Variants in ZNF567 observed in about 807,000 individuals in gnomAD.
ZNF567 encodes the protein zinc finger protein 567.
Under a neutral mutation model 53.9 loss-of-function variants are expected in ZNF567, and 36 were observed. That is an observed-to-expected ratio of 0.67 (90% confidence interval 0.51 to 0.88). The LOEUF is 0.88. Ranked by LOEUF, ZNF567 falls within the 40% of genes least tolerant of loss-of-function variation. The pLI, the probability that ZNF567 is intolerant of heterozygous loss-of-function variation, is 0.00. For missense variants in ZNF567, 619 were observed against 764.7 expected (o/e 0.81, Z 2.25); for synonymous variants, 224 against 260.4 (o/e 0.86, Z 1.35).
At chr19:36,672,534 T>C in the ZNF567 span, among the ~76,000 whole-genome samples, 1 of 152,138 alleles carries the variant, frequency 6.6e-6, no homozygotes, top group Non-Finnish European at 1.5e-5. Flanking sequence ...ATGGCAGTGA[T>C]GAAAGTTATG....
At chr19:36,686,240 C>A (rs2038267374), upstream of ZNF567, among the ~76,000 whole-genome samples, 1 of 152,134 alleles carries the variant, frequency 6.6e-6, no homozygotes, top group Non-Finnish European at 1.5e-5. Flanking sequence ...AACAAAACTT[C>A]CTTGACCTTG....
Position 36,719,459 on chromosome 19 carries a change from A to C in ZNF567, c.735A>C (p.Arg245Ser). ...ENPSVYNKKRRATNIEKKHTC... is the reference protein window; with the variant it reads ...ENPSVYNKKRSATNIEKKHTC... Reference sequence around the variant, plus strand: ...CATCTGTATATAATAAAAAAAGAAGAGCAACCAATATTGAAAAAAAACATA... The same window carrying C: ...CATCTGTATATAATAAAAAAAGAAGCGCAACCAATATTGAAAAAAAACATA... Residue 245 changes from arginine (R) to serine (S), a missense_variant, in exon 6 of 6, where the codon AGA becomes AGC. Transcript: ENST00000682579. The C allele has an allele frequency of 6.2e-7, 1 of 1,610,786 alleles. No individual in the cohort carries two copies. Among genetic ancestry groups the C allele is most frequent in the Non-Finnish European group, 8.5e-7 (1 of 1,179,264 alleles).
chr19:36,693,500 AC>A (rs2038726980), intron 2 of ZNF567, among the ~76,000 whole-genome samples: 1 of 152,262 alleles, frequency 6.6e-6, no homozygotes, highest in South Asian at 2.1e-4. Context: ...GGACAGGAAG[AC>A]ACAACATGAT....
At chr19:36,704,438 A>G (rs186790563) in intron 3 of ZNF567, among the ~76,000 whole-genome samples, 3 of 152,218 alleles carry the variant, frequency 2.0e-5, no homozygotes, top group Admixed American at 2.0e-4. Context: ...AAAACAAAAA[A>G]CAAAAAAAGT....
the ZNF567 span, among the ~76,000 whole-genome samples, chr19:36,677,186 G>A: frequency 6.9e-6 from 1 of 145,560 alleles, no homozygotes; most frequent in African/African-American, 2.5e-5. Flanking sequence ...AAGGCTGGGT[G>A]TGGTGGCTCA....
the ZNF567 span, among the ~76,000 whole-genome samples, chr19:36,669,595 C>G: frequency 6.6e-6 from 1 of 152,074 alleles, no homozygotes; most frequent in Non-Finnish European, 1.5e-5. Context: ...AAAAGCAGTC[C>G]GATGTAACCA....
At chr19:36,697,143 TCTC>T in intron 3 of ZNF567, among the ~76,000 whole-genome samples, 1 of 152,290 alleles carries the variant, frequency 6.6e-6, no homozygotes, top group South Asian at 2.1e-4. Context: ...ATGATGCACA[TCTC>T]CTTTTATTTA....
downstream of ZNF567, among the ~76,000 whole-genome samples, chr19:36,726,474 C>T (rs1167646537): frequency 6.6e-6 from 1 of 152,204 alleles, no homozygotes; most frequent in Non-Finnish European, 1.5e-5. Context: ...ATTTCCCACT[C>T]ACCTTCTACT....
chr19:36,698,125 C>T (rs1489246148), intron 3 of ZNF567, among the ~76,000 whole-genome samples: 3 of 152,062 alleles, frequency 2.0e-5, no homozygotes, highest in South Asian at 2.1e-4. Flanking sequence ...CTTCCTGTGT[C>T]CATGTGTTCT....
At chr19:36,700,572 A>T (rs2039126283) in intron 3 of ZNF567, among the ~76,000 whole-genome samples, 1 of 151,488 alleles carries the variant, frequency 6.6e-6, no homozygotes, top group East Asian at 1.9e-4. Flanking sequence ...TTTGGTTGGT[A>T]AGCTATTGAT....
chr19:36,727,011 C>CTTTCTTTCCTTTTCT (rs1555809310), downstream of ZNF567: 52 of 24,326 alleles, frequency 2.1e-3, 1 homozygote, highest in African/African-American at 5.1e-3. Context: ...TCTTTCTTTC[C>CTTTCTTTCCTTTTCT]TTTTTTTTTT....
downstream of ZNF567, among the ~76,000 whole-genome samples, chr19:36,724,258 G>A (rs1463029004): frequency 1.3e-5 from 2 of 151,618 alleles, no homozygotes; most frequent in African/African-American, 2.4e-5. Context: ...CGCCCACCTC[G>A]GCCTCCCAAA....
At chr19:36,678,850 C>CAAATAAAA in the ZNF567 span, among the ~76,000 whole-genome samples, 1 of 137,574 alleles carries the variant, frequency 7.3e-6, no homozygotes, top group Non-Finnish European at 1.6e-5. Context: ...GACTCTGTCT[C>CAAATAAAA]AAAAAAAAAA....
At chr19:36,708,254 T>C (rs920660279) in intron 3 of ZNF567, among the ~76,000 whole-genome samples, 3 of 152,218 alleles carry the variant, frequency 2.0e-5, no homozygotes, top group Non-Finnish European at 2.9e-5. Context: ...TCATTTTTTT[T>C]CCCTCATGAA....
chr19:36,722,491 A>G (rs954745596), downstream of ZNF567, among the ~76,000 whole-genome samples: 8 of 151,990 alleles, frequency 5.3e-5, no homozygotes, highest in African/African-American at 1.9e-4. Flanking sequence ...TAGTAGAGAC[A>G]GGGTTTCACT....
At chr19:36,723,452 T>G, downstream of ZNF567, 1 of 539,222 alleles carries the variant, frequency 1.9e-6, no homozygotes, top group Non-Finnish European at 3.3e-6. Context: ...TTTTCAAACA[T>G]ACTACATATA....
At chr19:36,712,174 G>C in intron 3 of ZNF567, 1 of 432,128 alleles carries the variant, frequency 2.3e-6, no homozygotes, top group Non-Finnish European at 4.3e-6. Flanking sequence ...AGCCTCCCAT[G>C]TAACTGGGAT....
upstream of ZNF567, among the ~76,000 whole-genome samples, chr19:36,683,730 G>T (rs2038220940): frequency 6.6e-6 from 1 of 152,140 alleles, no homozygotes; most frequent in African/African-American, 2.4e-5. Flanking sequence ...TACTTGGGAG[G>T]CTGAGGTGGG....
At chr19:36,722,580 G>A (rs570585452), downstream of ZNF567, among the ~76,000 whole-genome samples, 9 of 152,342 alleles carry the variant, frequency 5.9e-5, no homozygotes, top group East Asian at 7.7e-4. Flanking sequence ...GATTACAGGC[G>A]TGAGCCACCG....
Sources: allele counts gnomAD v4.1 joint callset (sites outside exome capture counted in the v4.1 genomes callset), GRCh38; gene constraint gnomAD v4.1.1; transcripts MANE v1.5; gene names NCBI Gene and HGNC (gene_info 2026-07-23, HGNC 2026-07-21).